PRPH2: variants seen among roughly 807,000 people sequenced by gnomAD.
The protein encoded by PRPH2 is peripherin 2.
A neutral mutation model predicts 31.3 loss-of-function variants in PRPH2; 17 were observed. That is an observed-to-expected ratio of 0.54 (90% CI 0.37 to 0.81). PRPH2 has a LOEUF of 0.81. Ranked by LOEUF, PRPH2 falls within the 40% of genes least tolerant of loss-of-function variation. The pLI is 0.00. For synonymous variants in PRPH2, 165 were observed against 184.4 expected (o/e 0.89, Z 0.85); for missense variants, 430 against 439.7 (o/e 0.98, Z 0.20).
chr6:42,716,713 C>G (rs899860600), intron 1 of PRPH2, among the ~76,000 whole-genome samples: 2 of 149,706 alleles, frequency 1.3e-5, no homozygotes, highest in African/African-American at 4.9e-5. Flanking sequence ...CTCCGCCTCC[C>G]AGATTGAAGC....
intron 1 of PRPH2, among the ~76,000 whole-genome samples, chr6:42,721,214 AC>A (rs1458363320): frequency 6.6e-6 from 1 of 152,106 alleles, no homozygotes; most frequent in Non-Finnish European, 1.5e-5. Context: ...CCAAAACTTC[AC>A]CCTAGATCTC....
At chr6:42,702,769 C>T (rs1312759900) in intron 2 of PRPH2, among the ~76,000 whole-genome samples, 1 of 151,816 alleles carries the variant, frequency 6.6e-6, no homozygotes, top group Non-Finnish European at 1.5e-5. Flanking sequence ...ACTTGGGAGG[C>T]TGAGACAGGA....
rs529927193 is a variant in PRPH2 at position 42,712,890 on chromosome 6, A to T, written c.582-8279T>A. On this transcript the variant is annotated intron_variant, in intron 1 of 2. Transcript: ENST00000230381. ...TGAAAGCTTGAGTTTTTTCTATAAT[A>T]GAAGTCGGAAATGCAATAAAATAAG... Among the ~76,000 whole-genome samples the T allele has an allele frequency of 5.3e-5, 8 of 152,204 alleles. No homozygotes were observed. The East Asian group carries it at 1.5e-3, about 29-fold the overall frequency.
intron 2 of PRPH2, among the ~76,000 whole-genome samples, chr6:42,703,290 A>T (rs1341891427): frequency 1.3e-5 from 2 of 152,228 alleles, no homozygotes; most frequent in African/African-American, 4.8e-5. Flanking sequence ...CTCACCGAGG[A>T]TTTGCTTACA....
At position 42,698,491 on chromosome 6, in the gene PRPH2, C is replaced by T. The variant is rs1799989841; in HGVS notation, c.845G>A (p.Gly282Glu). The T allele has an allele frequency of 1.2e-6, 2 of 1,614,134 alleles. No homozygotes were observed. Among genetic ancestry groups the T allele is most frequent in the African/African-American group, 1.3e-5 (1 of 75,034 alleles). The change falls in exon 3 of 3, where the codon GGG (glycine) becomes GAG (glutamate). Residue 282 changes from glycine to glutamate, a missense_variant. Transcript: ENST00000230381. ...CAGCGACGTCTGTAGGTAGCGCAGCCCAATTGTAATGGTCACCTGGTGGTG... is the reference window on the plus strand; with the variant it reads ...CAGCGACGTCTGTAGGTAGCGCAGCTCAATTGTAATGGTCACCTGGTGGTG... ...IWLFEVTITI[G>E]LRYLQTSLDG...
At chr6:42,708,678 C>G (rs906434761) in intron 1 of PRPH2, among the ~76,000 whole-genome samples, 4 of 152,204 alleles carry the variant, frequency 2.6e-5, no homozygotes, top group African/African-American at 9.6e-5. Flanking sequence ...GTCCCTGGAG[C>G]CTTCCCCTCA....
At chr6:42,699,707 C>T (rs1003388610) in intron 2 of PRPH2, among the ~76,000 whole-genome samples, 4 of 152,040 alleles carry the variant, frequency 2.6e-5, no homozygotes, top group Non-Finnish European at 4.4e-5. Context: ...GGCAACATAG[C>T]GAGACCTCAT....
intron 1 of PRPH2, among the ~76,000 whole-genome samples, chr6:42,708,046 A>T (rs1469561802): frequency 6.6e-6 from 1 of 152,228 alleles, no homozygotes; most frequent in African/African-American, 2.4e-5. Flanking sequence ...AATACATAGT[A>T]GCCATGCGCT....
At chr6:42,698,720 T>G (rs540631650) in intron 2 of PRPH2, among the ~76,000 whole-genome samples, 24 of 152,182 alleles carry the variant, frequency 1.6e-4, no homozygotes, top group Middle Eastern at 3.4e-3. Context: ...ACCCCTCTCC[T>G]CCTCCCTTTC....
At chr6:42,705,359 T>A (rs150044131) in intron 1 of PRPH2, among the ~76,000 whole-genome samples, 2 of 151,974 alleles carry the variant, frequency 1.3e-5, no homozygotes, top group Non-Finnish European at 2.9e-5. Context: ...AGGCTGGGTA[T>A]GTTCTACCTG....
intron 1 of PRPH2, among the ~76,000 whole-genome samples, chr6:42,709,345 A>C (rs1348986414): frequency 1.1e-5 from 1 of 89,048 alleles, no homozygotes; most frequent in Non-Finnish European, 2.7e-5. Flanking sequence ...AAAAAAAAAA[A>C]AAAAAAAAAA....
At chr6:42,719,895 A>G (rs903244376) in intron 1 of PRPH2, among the ~76,000 whole-genome samples, 2 of 152,118 alleles carry the variant, frequency 1.3e-5, no homozygotes, top group African/African-American at 4.8e-5. Flanking sequence ...CTATCATTAC[A>G]CTGTATGATT....
chr6:42,711,246 G>T (rs937248975), intron 1 of PRPH2, among the ~76,000 whole-genome samples: 1 of 152,154 alleles, frequency 6.6e-6, no homozygotes, highest in Non-Finnish European at 1.5e-5. Context: ...GCAGATGCGG[G>T]CCCCTCCACC....
chr6:42,709,794 C>T (rs1024156953), intron 1 of PRPH2, among the ~76,000 whole-genome samples: 16 of 152,158 alleles, frequency 1.1e-4, no homozygotes, highest in Admixed American at 7.2e-4. Context: ...CCAGGTGTTT[C>T]CAGGCCTGGA....
intron 1 of PRPH2, among the ~76,000 whole-genome samples, chr6:42,705,676 G>A (rs1800150036): frequency 7.1e-6 from 1 of 141,084 alleles, no homozygotes; most frequent in South Asian, 2.2e-4. Flanking sequence ...AAAAGTTGCA[G>A]CCAGGCGCGG....
In PRPH2 at chr6:42,721,085, G is replaced by A. The variant is rs572320105; in HGVS notation, c.581+669C>T. ...TGCTGCATGCCAGCTACCAGGCAGGGCTAGGAGGTGACTTCCAAAATTACC... is the reference window on the plus strand; with the variant it reads ...TGCTGCATGCCAGCTACCAGGCAGGACTAGGAGGTGACTTCCAAAATTACC... On this transcript the variant is annotated intron_variant, in intron 1 of 2. Transcript: ENST00000230381. Among the ~76,000 whole-genome samples, 11 of 152,296 alleles carry A rather than the reference G, an allele frequency of 7.2e-5. No individual in the cohort carries two copies. The South Asian group carries it at 2.1e-3, about 29-fold the overall frequency.
At chr6:42,719,979 G>A (rs1309781775) in intron 1 of PRPH2, among the ~76,000 whole-genome samples, 2 of 152,184 alleles carry the variant, frequency 1.3e-5, no homozygotes, top group East Asian at 1.9e-4. Context: ...TTATGGGTGA[G>A]AAGCTAGCTT....
chr6:42,700,879 C>T (rs1438256216), intron 2 of PRPH2, among the ~76,000 whole-genome samples: 1 of 152,206 alleles, frequency 6.6e-6, no homozygotes, highest in Non-Finnish European at 1.5e-5. Flanking sequence ...ATGCCCTCTT[C>T]CCAATAAGCT....
At position 42,708,640 on chromosome 6, in the gene PRPH2, G is replaced by A. The variant is rs557253527; in HGVS notation, c.582-4029C>T. On this transcript the variant is annotated intron_variant, in intron 1 of 2. Transcript: ENST00000230381. ...CTAGGGGCCTCCCAACCCAAATGCT[G>A]TCTGTCCCACCTCCTGACCTACAGG... Among the ~76,000 whole-genome samples the A allele has an allele frequency of 1.2e-4, 18 of 152,162 alleles. 1 individual carries two copies. The highest frequency in any genetic ancestry group is 1.0e-3 in the South Asian group (5 of 4,828).
Sources: gnomAD v4.1 joint callset for allele counts (sites outside exome capture counted in the v4.1 genomes callset) on GRCh38, gnomAD v4.1.1 for gene constraint, MANE v1.5 for transcripts, NCBI Gene and HGNC (gene_info 2026-07-23, HGNC 2026-07-21) for gene names.